The following BRCA1 variants were observed in gnomAD, a reference collection of about 807,000 sequenced individuals.
BRCA1 encodes the protein BRCA1 DNA repair associated.
A neutral mutation model predicts 173.7 loss-of-function variants in BRCA1; 140 were observed. The ratio of observed to expected loss-of-function variants is 0.81; its 90% CI spans 0.70 to 0.93. The LOEUF is 0.93. BRCA1 is among the 40% of genes least tolerant of loss of function. BRCA1 has a pLI of 0.00. For synonymous variants in BRCA1, 662 were observed against 756.0 expected (o/e 0.88, Z 2.04); for missense variants, 1,983 against 2,172.5 (o/e 0.91, Z 1.73).
At chr17:43,067,246 T>C (rs1167932300) in intron 16 of BRCA1, 4 of 253,246 alleles carry the variant, frequency 1.6e-5, no homozygotes, top group Non-Finnish European at 3.1e-5. Flanking sequence ...AATATTCTTA[T>C]TTTTTCACGT....
At chr17:43,123,950 A>G (rs2055707384) in intron 2 of BRCA1, 67 bp downstream of exon 2, 12 of 1,269,420 alleles carry the variant, frequency 9.5e-6, no homozygotes, top group African/African-American at 2.9e-5. Flanking sequence ...TGTAAGGTCA[A>G]TTCTGTTCAT....
In BRCA1 at chr17:43,124,002, C is replaced by G. The variant is rs771594437; in HGVS notation, c.80+15G>C. 2 of 1,596,294 alleles carry G rather than the reference C, an allele frequency of 1.3e-6. No homozygotes were observed. The highest frequency in any genetic ancestry group is 1.7e-6 in the Non-Finnish European group (2 of 1,163,924). ...CATAGGAATCCCAAATTAATACACT[C>G]TTGTGCTGACTTACCAGATGGGACA... On this transcript the variant is annotated intron_variant, in intron 2 of 22. Coordinates refer to ENST00000357654, the MANE Select transcript of BRCA1 (RefSeq NM_007294.4).
chr17:43,081,108 A>C (rs1309028161), intron 12 of BRCA1, among the ~76,000 whole-genome samples: 1 of 152,172 alleles, frequency 6.6e-6, no homozygotes, highest in African/African-American at 2.4e-5. Context: ...ATTTACACAG[A>C]TATTCAAAGT....
intron 1 of BRCA1, chr17:43,142,418 A>G (rs1231225202): frequency 6.6e-6 from 1 of 152,200 alleles, no homozygotes; most frequent in Admixed American, 6.5e-5. Context: ...TTCAATGGCA[A>G]CCATGGCTTA....
At chr17:43,122,650 G>A (rs1469853169) in intron 2 of BRCA1, among the ~76,000 whole-genome samples, 2 of 152,136 alleles carry the variant, frequency 1.3e-5, no homozygotes, top group African/African-American at 2.4e-5. Context: ...GCTCAGGCCT[G>A]TAATCCCAGC....
intron 11 of BRCA1, 120 bp from the exon 12 acceptor site, chr17:43,082,695 A>C (rs1186597842): frequency 9.2e-7 from 1 of 1,089,484 alleles, no homozygotes; most frequent in African/African-American, 1.6e-5. Flanking sequence ...GTATGGAACT[A>C]CAAGTTCTAG....
intron 3 of BRCA1, among the ~76,000 whole-genome samples, chr17:43,110,086 G>A (rs917080706): frequency 1.3e-5 from 2 of 151,912 alleles, no homozygotes; most frequent in African/African-American, 4.8e-5. Context: ...AGTAGAGGCG[G>A]GGTTTCACCA....
chr17:43,159,412 C>G (rs2056220220), intron 1 of BRCA1: 1 of 158,786 alleles, frequency 6.3e-6, no homozygotes, highest in African/African-American at 2.4e-5. Context: ...CTGGCGGGGG[C>G]TGACCCCCAC....
In BRCA1 at chr17:43,094,875, A is replaced by T. The variant is rs80358058; in HGVS notation, c.671-15T>A. The T allele has an allele frequency of 1.9e-6, 3 of 1,597,178 alleles. No homozygotes were observed. Among genetic ancestry groups the T allele is most frequent in the Non-Finnish European group, 2.6e-6 (3 of 1,170,652 alleles). On this transcript the variant is annotated splice_polypyrimidine_tract_variant and intron_variant, in intron 9 of 22. Coordinates refer to ENST00000357654, the MANE Select transcript of BRCA1 (RefSeq NM_007294.4). ...TTCACAAGCAGCTGAAAATATACAA[A>T]AATAACAAGGTACTCAAAAACTGAA...
At position 43,095,861 on chromosome 17, in the gene BRCA1, C is replaced by T. The variant is rs273902779; in HGVS notation, c.655G>A (p.Asp219Asn). 2 of 1,613,564 alleles carry T rather than the reference C, an allele frequency of 1.2e-6. No individual in the cohort carries two copies. The highest frequency in any genetic ancestry group is 3.3e-5 in the Admixed American group (2 of 59,984). ...PQGTRDEISL[D>N]SAKKAACEFS... Reference sequence around the variant, plus strand: ...TTGCCATTACCCTTTTTTGCAGAATCCAAACTGATTTCATCCCTGGTTCCT... The same window carrying T: ...TTGCCATTACCCTTTTTTGCAGAATTCAAACTGATTTCATCCCTGGTTCCT... The change falls in exon 9 of 23, where the codon GAT (aspartate) becomes AAT (asparagine). Residue 219 changes from aspartate (D) to asparagine (N), a missense_variant. Asp to Asn is a conservative substitution (Grantham distance 23). Coordinates refer to ENST00000357654, the MANE Select transcript of BRCA1 (RefSeq NM_007294.4).
At chr17:43,159,600 C>T (rs1352858813) in intron 1 of BRCA1, 8 of 226,990 alleles carry the variant, frequency 3.5e-5, no homozygotes, top group East Asian at 1.6e-4. Context: ...GACGGGGTCG[C>T]GGCCGGGCAG....
chr17:43,129,906 C>T (rs145285878), upstream of BRCA1, among the ~76,000 whole-genome samples: 1 of 152,142 alleles, frequency 6.6e-6, no homozygotes, highest in Non-Finnish European at 1.5e-5. Flanking sequence ...CAAATTTTAA[C>T]GACCCCAGTA....
upstream of BRCA1, among the ~76,000 whole-genome samples, chr17:43,129,023 G>A (rs1036108996): frequency 6.6e-5 from 10 of 151,982 alleles, no homozygotes; most frequent in African/African-American, 2.2e-4. Flanking sequence ...CGGGTTGCCA[G>A]GTTTGTTTCA....
At chr17:43,078,122 T>C (rs1218152649) in intron 12 of BRCA1, among the ~76,000 whole-genome samples, 2 of 151,822 alleles carry the variant, frequency 1.3e-5, no homozygotes, top group African/African-American at 4.8e-5. Flanking sequence ...TCTTGCTCTG[T>C]TACCCAGGCT....
At chr17:43,075,614 G>A (rs1439360800) in intron 13 of BRCA1, among the ~76,000 whole-genome samples, 1 of 151,776 alleles carries the variant, frequency 6.6e-6, no homozygotes, top group Non-Finnish European at 1.5e-5. Flanking sequence ...CCAGGCTGGA[G>A]TGCAATGGCA....
chr17:43,099,616 C>T (rs1156923634), intron 7 of BRCA1, among the ~76,000 whole-genome samples, 159 bp downstream of exon 7: 3 of 152,092 alleles, frequency 2.0e-5, no homozygotes, highest in Non-Finnish European at 2.9e-5. Context: ...GTGGGAACTG[C>T]GTCTTTTACA....
At chr17:43,123,910 C>T in intron 2 of BRCA1, 107 bp downstream of exon 2, 1 of 882,066 alleles carries the variant, frequency 1.1e-6, no homozygotes, top group Non-Finnish European at 1.9e-6. Flanking sequence ...ATAGCCTAAT[C>T]TTACTAGACA....
In BRCA1 at chr17:43,091,332, TAACTA is replaced by T. The variant is rs750547789; in HGVS notation, c.4096+98_4096+102del. The T allele has an allele frequency of 3.5e-5, 51 of 1,454,554 alleles. No individual in the cohort carries two copies. In the East Asian group the frequency reaches 1.1e-3, roughly 32 times the overall value. 90.1% of individuals were successfully genotyped at this position (1,454,554 alleles called of 1,614,324 possible). A position where few individuals can be genotyped will look rare whatever the true frequency, so the allele number is the denominator to read the frequency against. ...TTTCAAGTTTAAGAAGCAGTTCCTT[TAACTA>T]TACTTGGAAATTTGTAAAATGTGCT... On this transcript the variant is annotated intron_variant, in intron 10 of 22. Transcript: ENST00000357654.
chr17:43,122,142 C>T (rs1369835659), intron 2 of BRCA1, among the ~76,000 whole-genome samples: 1 of 152,138 alleles, frequency 6.6e-6, no homozygotes, highest in Non-Finnish European at 1.5e-5. Context: ...GCTCTGAAAA[C>T]ACAACATACA....
Sources: gnomAD v4.1 joint callset for allele counts (sites outside exome capture counted in the v4.1 genomes callset) on GRCh38, gnomAD v4.1.1 for gene constraint, MANE v1.5 for transcripts, NCBI Gene and HGNC (gene_info 2026-07-23, HGNC 2026-07-21) for gene names.